MTUS2: variants seen among roughly 807,000 people sequenced by gnomAD.
MTUS2 encodes microtubule associated scaffold protein 2.
In MTUS2, 40 loss-of-function variants were observed where a neutral mutation model predicts 114.1. The ratio of observed to expected loss-of-function variants is 0.35; its 90% CI spans 0.27 to 0.46. The LOEUF is 0.46. Ranked by LOEUF, MTUS2 falls within the 20% of genes least tolerant of loss-of-function variation. MTUS2 has a pLI of 1.00. For missense variants in MTUS2, 1,679 were observed against 1,705.4 expected (o/e 0.98, Z 0.27); for synonymous variants, 688 against 672.0 (o/e 1.02, Z -0.37).
intron 5 of MTUS2, among the ~76,000 whole-genome samples, chr13:29,270,615 T>C (rs944827660): frequency 6.6e-6 from 1 of 152,184 alleles, no homozygotes; most frequent in Admixed American, 6.5e-5. Flanking sequence ...CATCTCTCCC[T>C]ATGGGGAGGA....
intron 9 of MTUS2, among the ~76,000 whole-genome samples, chr13:29,455,237 G>A (rs756542670): frequency 6.6e-6 from 1 of 152,206 alleles, no homozygotes; most frequent in African/African-American, 2.4e-5. Flanking sequence ...TACATGGGGG[G>A]TTTCCCGTGT....
At chr13:29,250,903 G>A (rs1248250898) in intron 5 of MTUS2, among the ~76,000 whole-genome samples, 2 of 152,148 alleles carry the variant, frequency 1.3e-5, no homozygotes, top group African/African-American at 2.4e-5. Flanking sequence ...CCATAGAGCA[G>A]AGCAGACTGT....
At chr13:28,920,623 T>G (rs142214560) in intron 2 of MTUS2, among the ~76,000 whole-genome samples, 1 of 152,172 alleles carries the variant, frequency 6.6e-6, no homozygotes, top group East Asian at 1.9e-4. Flanking sequence ...CGAGCTGGGT[T>G]TGTGTCCCTT....
intron 2 of MTUS2, among the ~76,000 whole-genome samples, chr13:28,921,886 A>C (rs1198502029): frequency 1.3e-5 from 2 of 152,124 alleles, no homozygotes; most frequent in Non-Finnish European, 2.9e-5. Flanking sequence ...TCTCCACACC[A>C]TGCAGCCACT....
chr13:29,242,209 T>C (rs1896758344), intron 5 of MTUS2, among the ~76,000 whole-genome samples: 1 of 152,200 alleles, frequency 6.6e-6, no homozygotes, highest in Non-Finnish European at 1.5e-5. Flanking sequence ...TTTCATCATC[T>C]CAGTAAAAGC....
At chr13:29,004,488 G>C (rs9508222) in intron 2 of MTUS2, among the ~76,000 whole-genome samples, 83,328 of 152,060 alleles carry the variant, frequency 0.55, 23,271 homozygotes, top group East Asian at 0.73. Context: ...ATGTTTGTAA[G>C]ATAGATTCTT....
intron 2 of MTUS2, among the ~76,000 whole-genome samples, chr13:28,964,582 G>A (rs1316720971): frequency 6.6e-6 from 1 of 151,624 alleles, no homozygotes; most frequent in Admixed American, 6.6e-5. Flanking sequence ...GATGGTGATT[G>A]CAGGTGTGTC....
chr13:28,991,461 C>T (rs143380439), intron 2 of MTUS2, among the ~76,000 whole-genome samples: 1,559 of 151,754 alleles, frequency 0.01, 25 homozygotes, highest in African/African-American at 0.036. Context: ...CTCCGCCTCC[C>T]GGGTTCACGC....
At chr13:29,035,653 C>T (rs1201540518) in intron 4 of MTUS2, among the ~76,000 whole-genome samples, 1 of 152,118 alleles carries the variant, frequency 6.6e-6, no homozygotes, top group Non-Finnish European at 1.5e-5. Context: ...TCCCTTGCTC[C>T]TCAATCCCTG....
intron 5 of MTUS2, among the ~76,000 whole-genome samples, chr13:29,142,915 G>A (rs1379826348): frequency 6.6e-6 from 1 of 152,202 alleles, no homozygotes; most frequent in Non-Finnish European, 1.5e-5. Context: ...GTACAAAAGT[G>A]AAGTTTTGCT....
intron 2 of MTUS2, among the ~76,000 whole-genome samples, chr13:28,904,970 G>A (rs867462809): frequency 0.032 from 4,894 of 150,872 alleles, 277 homozygotes; most frequent in African/African-American, 0.11. Context: ...GGTCCTTCAC[G>A]TCCCTTGTAA....
At chr13:29,445,583 C>G (rs1477592710) in intron 9 of MTUS2, among the ~76,000 whole-genome samples, 1 of 152,124 alleles carries the variant, frequency 6.6e-6, no homozygotes, top group Non-Finnish European at 1.5e-5. Flanking sequence ...ACTCACCAAC[C>G]CTGAAGCCCG....
intron 6 of MTUS2, among the ~76,000 whole-genome samples, chr13:29,298,583 C>G (rs1899050906): frequency 6.7e-6 from 1 of 149,834 alleles, no homozygotes; most frequent in South Asian, 2.1e-4. Context: ...GTATCATTTT[C>G]TCTTTCTGTG....
intron 5 of MTUS2, among the ~76,000 whole-genome samples, chr13:29,181,266 C>T (rs1357489893): frequency 3.9e-5 from 6 of 152,038 alleles, no homozygotes. Context: ...CTCCGATGTG[C>T]CTATCATCTC....
At chr13:28,904,751 C>T (rs555293272) in intron 2 of MTUS2, among the ~76,000 whole-genome samples, 2 of 152,140 alleles carry the variant, frequency 1.3e-5, no homozygotes, top group Non-Finnish European at 2.9e-5. Flanking sequence ...TTTTTTGGTT[C>T]CATATGAACT....
chr13:28,823,365 C>G (rs943594469), intron 1 of MTUS2, among the ~76,000 whole-genome samples: 2 of 152,248 alleles, frequency 1.3e-5, no homozygotes, highest in Non-Finnish European at 2.9e-5. Context: ...CTACCACACA[C>G]ATGTTTGAAA....
intron 2 of MTUS2, among the ~76,000 whole-genome samples, chr13:28,998,877 T>G (rs771662578): frequency 6.6e-6 from 1 of 152,234 alleles, no homozygotes; most frequent in African/African-American, 2.4e-5. Flanking sequence ...TTCTGAAGCC[T>G]TCTTCTCTGA....
intron 1 of MTUS2, among the ~76,000 whole-genome samples, chr13:28,830,753 G>A (rs1192306122): frequency 1.3e-5 from 2 of 151,962 alleles, no homozygotes; most frequent in African/African-American, 2.4e-5. Context: ...GGAAATAATG[G>A]ACAAAAACTC....
chr13:29,031,613 C>A (rs902628531), intron 3 of MTUS2, among the ~76,000 whole-genome samples: 1 of 151,710 alleles, frequency 6.6e-6, no homozygotes, highest in African/African-American at 2.4e-5. Flanking sequence ...TTTATTAAAC[C>A]CTGCAACTGA....
Sources: gnomAD v4.1 joint callset for allele counts (sites outside exome capture counted in the v4.1 genomes callset) on GRCh38, gnomAD v4.1.1 for gene constraint, MANE v1.5 for transcripts, NCBI Gene and HGNC (gene_info 2026-07-23, HGNC 2026-07-21) for gene names.